Variants in KRT39 observed in about 807,000 individuals in gnomAD.
The protein encoded by KRT39 is keratin, type I cytoskeletal 39.
In KRT39, 47 loss-of-function variants were observed where a neutral mutation model predicts 54.8. That is an observed-to-expected ratio of 0.86 (90% CI 0.68 to 1.09). The LOEUF (loss-of-function observed/expected upper bound fraction) is 1.09, where lower values mean the gene tolerates loss of function less well. KRT39 is among the 50% of genes least tolerant of loss of function. The pLI is 0.00. For synonymous variants in KRT39, 207 were observed against 227.9 expected, an observed-to-expected ratio of 0.91 and a Z score of 0.83; for missense variants, 580 against 598.5, an observed-to-expected ratio of 0.97 and a Z score of 0.32.
chr17:40,960,583 G>A, intron 5 of KRT39, 82 bp from the exon 6 acceptor site: 1 of 1,053,972 alleles, frequency 9.5e-7, no homozygotes, highest in African/African-American at 1.6e-5. Context: ...TAAAAAAAAT[G>A]GTTTCTTTGT....
At chr17:40,964,736 T>A (rs1196988349) in intron 1 of KRT39, among the ~76,000 whole-genome samples, 18 of 151,300 alleles carry the variant, frequency 1.2e-4, no homozygotes. Context: ...AGTACTTAAC[T>A]AGAAACTTTT....
chr17:40,964,574 T>G lies in KRT39; in HGVS notation c.469-46A>C, dbSNP rs1363480900. The G allele has an allele frequency of 3.7e-6, 5 of 1,361,214 alleles. No homozygotes were observed. The South Asian group carries it at 5.8e-5, about 16-fold the overall frequency. 84.3% of individuals were successfully genotyped at this position (1,361,214 alleles called of 1,614,324 possible). A position where few individuals can be genotyped will look rare whatever the true frequency, so the allele number is the denominator to read the frequency against. The stretch of plus-strand genomic sequence containing the variant: ...ACACAAATGAAGCAAACACCAAGAT[T>G]TCCTTCTTTAAGAACCAAGGGGTTT... On this transcript the variant is annotated intron_variant, in intron 1 of 6. Coordinates refer to ENST00000355612, the MANE Select transcript of KRT39 (RefSeq NM_213656.4).
rs750894516 is a variant in KRT39 at position 40,958,513 on chromosome 17, G to C, written c.*88C>G. 3 of 1,441,204 alleles carry C rather than the reference G, an allele frequency of 2.1e-6. No homozygotes were observed. The highest frequency in any genetic ancestry group is 2.8e-6 in the Non-Finnish European group (3 of 1,066,296). 89.3% of individuals were successfully genotyped at this position (1,441,204 alleles called of 1,614,324 possible). A position where few individuals can be genotyped will look rare whatever the true frequency, so the allele number is the denominator to read the frequency against. On this transcript the variant is annotated 3_prime_UTR_variant, in exon 7 of 7. Transcript: ENST00000355612. Reference sequence around the variant, plus strand: ...TAGTAAGAAACTAAGTACCTTAAGGGACTGGGGAGTTTTCTTAAACCTCTC... The same window carrying C: ...TAGTAAGAAACTAAGTACCTTAAGGCACTGGGGAGTTTTCTTAAACCTCTC...
intron 1 of KRT39, among the ~76,000 whole-genome samples, chr17:40,965,040 TA>T (rs1380381378): frequency 0.013 from 1,861 of 143,840 alleles, 21 homozygotes; most frequent in African/African-American, 0.034. Flanking sequence ...ACTAAAAATA[TA>T]AAAAAAAAAA....
intron 6 of KRT39, among the ~76,000 whole-genome samples, chr17:40,959,299 G>A (rs549221758): frequency 6.6e-6 from 1 of 152,270 alleles, no homozygotes; most frequent in South Asian, 2.1e-4. Context: ...ATTATTATCC[G>A]AGGAATGGAA....
At chr17:40,961,525 T>G (rs1306635630) in intron 5 of KRT39, among the ~76,000 whole-genome samples, 3 of 152,210 alleles carry the variant, frequency 2.0e-5, no homozygotes, top group African/African-American at 7.2e-5. Flanking sequence ...AGAGGCATTA[T>G]CATGAGACAG....
intron 5 of KRT39, 165 bp from the exon 6 acceptor site, chr17:40,960,666 A>T (rs1911117229): frequency 3.3e-6 from 2 of 606,260 alleles, no homozygotes; most frequent in East Asian, 5.4e-5. Flanking sequence ...CCAAATGATC[A>T]ACTATGCTAA....
intron 2 of KRT39, 68 bp downstream of exon 2, chr17:40,964,378 T>A: frequency 7.4e-7 from 1 of 1,353,060 alleles, no homozygotes; most frequent in Non-Finnish European, 1.1e-6. Context: ...GGGGACAATT[T>A]TGTTGAGGGC....
At chr17:40,965,463 A>G (rs1360565650) in intron 1 of KRT39, among the ~76,000 whole-genome samples, 2 of 152,152 alleles carry the variant, frequency 1.3e-5, no homozygotes, top group East Asian at 3.8e-4. Context: ...TGTCAACTCC[A>G]TGAGGGCAGG....
chr17:40,960,747 C>T (rs951136233), intron 5 of KRT39: 49 of 563,490 alleles, frequency 8.7e-5, no homozygotes, highest in Middle Eastern at 4.7e-4. Context: ...ATTTGTTTCA[C>T]TTTCTCTTTC....
At chr17:40,965,480 T>C (rs1911351248) in intron 1 of KRT39, among the ~76,000 whole-genome samples, 1 of 152,224 alleles carries the variant, frequency 6.6e-6, no homozygotes, top group Admixed American at 6.5e-5. Context: ...CAGGGACTTT[T>C]TAAAGGTCAC....
chr17:40,960,539 C>T (rs1306751553), intron 5 of KRT39, 38 bp from the exon 6 acceptor site: 2 of 1,519,974 alleles, frequency 1.3e-6, no homozygotes, highest in African/African-American at 2.7e-5. Flanking sequence ...ATAATGACTC[C>T]TTTAAGCCCA....
Position 40,966,738 on chromosome 17 carries a change from G to C in KRT39, c.119C>G (p.Thr40Arg), listed in dbSNP as rs760929648. 9 of 1,614,064 alleles carry C rather than the reference G, an allele frequency of 5.6e-6. No individual in the cohort carries two copies. The highest frequency in any genetic ancestry group is 7.6e-6 in the Non-Finnish European group (9 of 1,180,016). Residue 40 changes from threonine (T) to arginine (R), a missense_variant, in exon 1 of 7, where the codon ACA becomes AGA. Thr to Arg is a moderately conservative substitution (Grantham distance 71). Coordinates refer to ENST00000355612, the MANE Select transcript of KRT39 (RefSeq NM_213656.4). ...SNNGCHPGGL[T>R]VNNCQPAGHV... ...GCCAGCTGGTTGACAGTTGTTGACTGTAAGGCCACCAGGATGGCAGCCGTT... is the reference window on the plus strand; with the variant it reads ...GCCAGCTGGTTGACAGTTGTTGACTCTAAGGCCACCAGGATGGCAGCCGTT...
Position 40,958,806 on chromosome 17 carries a change from C to T in KRT39, c.1271G>A (p.Cys424Tyr). 2.5e-6 allele frequency: 4 copies of T among 1,612,726 alleles called. No homozygotes were observed. The highest frequency in any genetic ancestry group is 1.1e-5 in the South Asian group (1 of 90,864). ...TKCEPSPWTS[C>Y]KSGAIESTAP... ...CGTGCTTTCTATGGCTCCGGACTTA[C>T]AAGATGTCCAAGGGGAAGGCTCACA... Residue 424 changes from cysteine (C) to tyrosine (Y), a missense_variant, in exon 7 of 7, where the codon TGT (cysteine) becomes TAT (tyrosine). Transcript: ENST00000355612.
At chr17:40,959,603 T>C (rs1911053952) in intron 6 of KRT39, among the ~76,000 whole-genome samples, 1 of 152,198 alleles carries the variant, frequency 6.6e-6, no homozygotes, top group Non-Finnish European at 1.5e-5. Context: ...ATTAAAAGAA[T>C]GCTGTGAAGA....
rs1308437129 is a variant in KRT39, at chr17:40,958,472, T to G, written c.*129A>C. 3.0e-5 allele frequency: 29 copies of G among 953,002 alleles called. No homozygotes were observed. The allele number at this position is 953,002 out of a possible 1,614,324, so 59.0% of individuals were successfully genotyped here. ...GAATAAAAGATATTCTACCTAGCAA[T>G]GGGGACCCGCTGTAGTAGTAAGAAA... On this transcript the variant is annotated 3_prime_UTR_variant, in exon 7 of 7. Transcript: ENST00000355612.
rs745607087 is a variant in KRT39, at chr17:40,966,722, T to C, written c.135A>G (p.Gln45=). The C allele has an allele frequency of 9.3e-6, 15 of 1,614,214 alleles. No individual in the cohort carries two copies. The African/African-American group carries it at 1.2e-4, about 13-fold the overall frequency. The part of the protein sequence containing the change: ...HPGGLTVNNC[Q]PAGHVLRIPW... ...GAATTCTGAGAACGTGGCCAGCTGGTTGACAGTTGTTGACTGTAAGGCCAC... is the reference window on the plus strand; with the variant it reads ...GAATTCTGAGAACGTGGCCAGCTGGCTGACAGTTGTTGACTGTAAGGCCAC... The change falls in exon 1 of 7, where the codon CAA becomes CAG. Residue 45 remains glutamine (Q), a synonymous_variant. Coordinates refer to ENST00000355612, the MANE Select transcript of KRT39 (RefSeq NM_213656.4).
chr17:40,960,700 CCTCTTTCT>C (rs1911118150), intron 5 of KRT39, 199 bp from the exon 6 acceptor site: 1 of 585,454 alleles, frequency 1.7e-6, no homozygotes, highest in South Asian at 2.2e-5. Context: ...TTATCTCTTC[CCTCTTTCT>C]CTCTTTCTCT....
In KRT39 at chr17:40,966,709, C is replaced by T. The variant is rs756937180; in HGVS notation, c.148G>A (p.Val50Ile). The T allele has an allele frequency of 2.7e-5, 44 of 1,614,076 alleles. No homozygotes were observed. The highest frequency in any genetic ancestry group is 8.5e-6 in the Non-Finnish European group (10 of 1,180,056). Residue 50 changes from valine to isoleucine, a missense_variant, in exon 1 of 7, where the codon GTT becomes ATT. Val to Ile is a conservative substitution (Grantham distance 29). Transcript: ENST00000355612. Reference sequence around the variant, plus strand: ...CCCTGGTCCCAGGGAATTCTGAGAACGTGGCCAGCTGGTTGACAGTTGTTG... The same window carrying T: ...CCCTGGTCCCAGGGAATTCTGAGAATGTGGCCAGCTGGTTGACAGTTGTTG... ...TVNNCQPAGHVLRIPWDQGCQ... is the reference protein window; with the variant it reads ...TVNNCQPAGHILRIPWDQGCQ...
Sources: gnomAD v4.1 joint callset for allele counts (sites outside exome capture counted in the v4.1 genomes callset) on GRCh38, gnomAD v4.1.1 for gene constraint, MANE v1.5 for transcripts, NCBI Gene and HGNC (gene_info 2026-07-23, HGNC 2026-07-21) for gene names.